Variants in TRIM5 observed in about 807,000 individuals in gnomAD.
TRIM5 encodes tripartite motif-containing protein 5.
In TRIM5, 31 loss-of-function variants were observed where a neutral mutation model predicts 35.6. The ratio of observed to expected loss-of-function variants is 0.87; its 90% CI spans 0.65 to 1.18. The LOEUF is 1.18. TRIM5 is among the 50% of genes most tolerant of loss of function. TRIM5 has a pLI of 0.00. For synonymous variants in TRIM5, 243 were observed against 215.6 expected (o/e 1.13, Z -1.11); for missense variants, 609 against 591.6 (o/e 1.03, Z -0.31).
chr11:5,615,933 A>ATTTT, the TRIM5 span, among the ~76,000 whole-genome samples: 19 of 121,398 alleles, frequency 1.6e-4, 1 homozygote, highest in South Asian at 2.6e-4. Flanking sequence ...ATATCTTTTC[A>ATTTT]TTTTTTTTTT....
At chr11:5,683,602 G>A (rs973378773) in intron 1 of TRIM5, among the ~76,000 whole-genome samples, 6 of 152,148 alleles carry the variant, frequency 3.9e-5, no homozygotes, top group Non-Finnish European at 8.8e-5. Flanking sequence ...AGCACCCTGT[G>A]TCTAGCTCGG....
At chr11:5,610,762 T>C in the TRIM5 span, 9 of 1,612,842 alleles carry the variant, frequency 5.6e-6, no homozygotes, top group East Asian at 8.9e-5. Context: ...GCTGATGTTG[T>C]ACCTTTTCCT....
chr11:5,678,225 C>A lies in TRIM5; in HGVS notation c.723G>T (p.Gly241=). The change falls in exon 4 of 8, where the codon GGG becomes GGT. Residue 241 remains glycine, a synonymous_variant. Coordinates refer to ENST00000380034, the MANE Select transcript of TRIM5 (RefSeq NM_033034.3). ...TTACCTGAAGCAGCTCCATCACTGA[C>A]CCCTGCAGCCGATGCTCCAGATCTG... ...LISDLEHRLQ[G]SVMELLQGVD... 1 of 1,612,928 alleles carries A rather than the reference C, an allele frequency of 6.2e-7. No individual in the cohort carries two copies. The highest frequency in any genetic ancestry group is 8.5e-7 in the Non-Finnish European group (1 of 1,179,056).
At chr11:5,629,751 G>A in the TRIM5 span, among the ~76,000 whole-genome samples, 11 of 152,248 alleles carry the variant, frequency 7.2e-5, no homozygotes, top group South Asian at 4.2e-4. Context: ...TCTGTCGCCC[G>A]GGCTGGAGTG....
intron 5 of TRIM5, 109 bp from the exon 6 acceptor site, chr11:5,666,190 T>G: frequency 1.1e-6 from 1 of 914,170 alleles, no homozygotes; most frequent in Non-Finnish European, 1.7e-6. Flanking sequence ...AACTCTCTTC[T>G]TGGGGATCCT....
the TRIM5 span, among the ~76,000 whole-genome samples, chr11:5,607,026 AC>A: frequency 2.0e-5 from 3 of 152,096 alleles, no homozygotes; most frequent in South Asian, 6.2e-4. Context: ...ACACGGTGAA[AC>A]CCCGTCTCTA....
the TRIM5 span, among the ~76,000 whole-genome samples, chr11:5,601,153 A>G: frequency 6.6e-6 from 1 of 152,192 alleles, no homozygotes; most frequent in Non-Finnish European, 1.5e-5. Flanking sequence ...ATCATCAAAT[A>G]GGATCTCTCT....
At chr11:5,629,939 C>A in the TRIM5 span, among the ~76,000 whole-genome samples, 1 of 152,126 alleles carries the variant, frequency 6.6e-6, no homozygotes, top group East Asian at 1.9e-4. Flanking sequence ...ATCTCCTTAC[C>A]TCGTGATCCG....
intron 3 of TRIM5, 106 bp downstream of exon 3, chr11:5,678,968 T>C (rs1852208479): frequency 1.1e-6 from 1 of 933,416 alleles, no homozygotes; most frequent in Non-Finnish European, 1.7e-6. Context: ...ACTAATCAAA[T>C]GACTTCTGGA....
chr11:5,684,916 CA>C lies in TRIM5; in HGVS notation c.-111del, dbSNP rs1852897611. On this transcript the variant is annotated 5_prime_UTR_variant, in exon 1 of 8. Coordinates refer to ENST00000380034, the MANE Select transcript of TRIM5 (RefSeq NM_033034.3). ...AAAGACTTCCTACTTCTGCCCTCCA[CA>C]AAATCACTCAATACACCTTCAGACA... 1 of 152,250 alleles carries C rather than the reference CA, an allele frequency of 6.6e-6. No individual in the cohort carries two copies. The highest frequency in any genetic ancestry group is 1.5e-5 in the Non-Finnish European group (1 of 68,090). The allele number at this position is 152,250 out of a possible 1,614,324, so 9.4% of individuals were successfully genotyped here.
At chr11:5,655,699 G>A in the TRIM5 span, 2 of 985,226 alleles carry the variant, frequency 2.0e-6, no homozygotes, top group African/African-American at 1.7e-5. Context: ...TCTGGCATAT[G>A]CAGTCAAAAA....
At chr11:5,632,387 T>C in the TRIM5 span, 1 of 1,613,994 alleles carries the variant, frequency 6.2e-7, no homozygotes. Context: ...CCCATCTGCC[T>C]GGAGCTGTTG....
chr11:5,680,739 G>A (rs1279632793), intron 1 of TRIM5, among the ~76,000 whole-genome samples: 1 of 152,182 alleles, frequency 6.6e-6, no homozygotes, highest in Non-Finnish European at 1.5e-5. Context: ...TACCTTATGT[G>A]CAGTGTAACA....
the TRIM5 span, among the ~76,000 whole-genome samples, chr11:5,622,251 C>T: frequency 1.3e-5 from 2 of 152,106 alleles, no homozygotes; most frequent in Non-Finnish European, 2.9e-5. Flanking sequence ...TGAGACCATC[C>T]TGGCCAACAT....
the TRIM5 span, among the ~76,000 whole-genome samples, chr11:5,597,189 AACTTG>A: frequency 6.6e-6 from 1 of 152,246 alleles, no homozygotes; most frequent in East Asian, 1.9e-4. Flanking sequence ...GAAGACTGTT[AACTTG>A]ACTTCTTTGA....
chr11:5,665,380 G>A lies in TRIM5; in HGVS notation c.911C>T (p.Ala304Val). 1.2e-6 allele frequency: 2 copies of A among 1,609,392 alleles called. No individual in the cohort carries two copies. Among genetic ancestry groups the A allele is most frequent in the Non-Finnish European group, 1.7e-6 (2 of 1,177,632 alleles). The stretch of plus-strand genomic sequence containing the variant: ...GACAGCACATGAAATGTTGTTTGGA[G>A]CCACTGTCACATCAACTGTAGAAAA... ...VRRYWVDVTV[A>V]PNNISCAVIS... The change falls in exon 8 of 8, where the codon GCT becomes GTT. Residue 304 changes from alanine (A) to valine (V), a missense_variant. Physicochemically the swap from Ala to Val is moderately conservative, Grantham distance 64. Coordinates refer to ENST00000380034, the MANE Select transcript of TRIM5 (RefSeq NM_033034.3).
At chr11:5,643,207 A>G in the TRIM5 span, 1 of 1,611,720 alleles carries the variant, frequency 6.2e-7, no homozygotes. Flanking sequence ...GATCAGAGAC[A>G]AGTGATATCT....
At chr11:5,618,247 G>T in the TRIM5 span, among the ~76,000 whole-genome samples, 7 of 152,160 alleles carry the variant, frequency 4.6e-5, no homozygotes, top group Admixed American at 3.3e-4. Flanking sequence ...GCCCGCGCCT[G>T]TAATTCCAGC....
the TRIM5 span, chr11:5,632,643 C>T: frequency 1.2e-6 from 2 of 1,612,838 alleles, no homozygotes; most frequent in Admixed American, 3.3e-5. Flanking sequence ...GAGAGAAACT[C>T]CTACTCTTCT....
Sources: allele counts gnomAD v4.1 joint callset (sites outside exome capture counted in the v4.1 genomes callset), GRCh38; gene constraint gnomAD v4.1.1; transcripts MANE v1.5; gene names NCBI Gene and HGNC (gene_info 2026-07-23, HGNC 2026-07-21).